Variants in C8orf89 observed in about 807,000 individuals in gnomAD.
C8orf89 encodes the protein chromosome 8 open reading frame 89, also known as putative uncharacterized protein C8orf89.
A neutral mutation model predicts 15.8 loss-of-function variants in C8orf89; 14 were observed. That is an observed-to-expected ratio of 0.89 (90% confidence interval 0.59 to 1.39). The LOEUF is 1.39. Among genes scored for constraint, C8orf89 ranks in the 40% most tolerant of loss-of-function variants. The probability of loss-of-function intolerance (pLI) is 0.00; values close to 1 mark genes in which losing one functional copy is unlikely to be tolerated. For missense variants in C8orf89, 181 were observed against 184.5 expected (o/e 0.98, Z 0.11); for synonymous variants, 55 against 62.2 (o/e 0.88, Z 0.54).
the C8orf89 span, among the ~76,000 whole-genome samples, chr8:73,280,696 C>CATATAT: frequency 6.6e-6 from 1 of 151,204 alleles, no homozygotes; most frequent in Non-Finnish European, 1.5e-5. Context: ...TATATATACA[C>CATATAT]ATACATATAC....
chr8:73,283,478 G>C, the C8orf89 span, among the ~76,000 whole-genome samples: 2,441 of 152,270 alleles, frequency 0.016, 55 homozygotes, highest in Non-Finnish European at 0.02. Context: ...TTCTGCCTCT[G>C]ACTCTCATAA....
At chr8:73,262,142 A>T (rs1813540954), upstream of C8orf89, among the ~76,000 whole-genome samples, 1 of 152,252 alleles carries the variant, frequency 6.6e-6, no homozygotes, top group Non-Finnish European at 1.5e-5. Context: ...TAAAGAACTC[A>T]GAATCACGAT....
the C8orf89 span, chr8:73,277,650 G>T: frequency 1.1e-5 from 8 of 758,100 alleles, no homozygotes; most frequent in Non-Finnish European, 1.7e-5. Context: ...CATCCAGGAA[G>T]GTTTCTCTTT....
the C8orf89 span, among the ~76,000 whole-genome samples, chr8:73,274,414 G>C: frequency 6.6e-6 from 1 of 152,136 alleles, no homozygotes; most frequent in South Asian, 2.1e-4. Context: ...GCCTCCCAAA[G>C]TGCTGGGATT....
the C8orf89 span, among the ~76,000 whole-genome samples, chr8:73,273,748 G>GTTT: frequency 1.4e-5 from 2 of 141,504 alleles, no homozygotes; most frequent in East Asian, 2.1e-4. Context: ...GGTGATGCCA[G>GTTT]TTTTTTTTTT....
intron 2 of C8orf89, among the ~76,000 whole-genome samples, chr8:73,255,875 C>T (rs1303334746): frequency 1.0e-4 from 15 of 150,368 alleles, no homozygotes; most frequent in Admixed American, 8.6e-4. Context: ...AACCAAACAC[C>T]GCATATTCTC....
At chr8:73,266,983 G>A in the C8orf89 span, among the ~76,000 whole-genome samples, 2 of 152,138 alleles carry the variant, frequency 1.3e-5, no homozygotes, top group African/African-American at 2.4e-5. Context: ...GGCAGTCACC[G>A]ATTTAATGAG....
upstream of C8orf89, among the ~76,000 whole-genome samples, chr8:73,263,876 C>A (rs1011150166): frequency 6.6e-6 from 1 of 152,122 alleles, no homozygotes; most frequent in East Asian, 1.9e-4. Flanking sequence ...AATACTGAAC[C>A]ATTGTTCCTA....
At chr8:73,253,169 T>C (rs1044243081) in intron 2 of C8orf89, among the ~76,000 whole-genome samples, 14 of 152,012 alleles carry the variant, frequency 9.2e-5, no homozygotes, top group Non-Finnish European at 1.6e-4. Context: ...AACTAGACAT[T>C]CAACAAATAT....
At chr8:73,284,588 G>C in the C8orf89 span, among the ~76,000 whole-genome samples, 109 of 152,036 alleles carry the variant, frequency 7.2e-4, no homozygotes, top group Non-Finnish European at 1.0e-3. Context: ...AAAAACAAAG[G>C]AAAAAAGAAG....
chr8:73,255,608 G>C (rs1483394149), intron 2 of C8orf89, among the ~76,000 whole-genome samples: 1 of 149,478 alleles, frequency 6.7e-6, no homozygotes, highest in Non-Finnish European at 1.5e-5. Flanking sequence ...CCCATTACTG[G>C]GTATATACCC....
At chr8:73,278,530 C>T in the C8orf89 span, among the ~76,000 whole-genome samples, 1 of 152,180 alleles carries the variant, frequency 6.6e-6, no homozygotes, top group Non-Finnish European at 1.5e-5. Flanking sequence ...TTTTAAGATA[C>T]TGTGTGTCTG....
intron 2 of C8orf89, among the ~76,000 whole-genome samples, chr8:73,251,032 C>A (rs1563531257): frequency 6.6e-6 from 1 of 152,012 alleles, no homozygotes; most frequent in Non-Finnish European, 1.5e-5. Context: ...AAAATGCTGG[C>A]CTCAAGCAAT....
chr8:73,262,500 T>C (rs139294270), upstream of C8orf89, among the ~76,000 whole-genome samples: 218 of 152,148 alleles, frequency 1.4e-3, 1 homozygote, highest in Middle Eastern at 6.8e-3. Flanking sequence ...TTTGAAATTT[T>C]CCAAAATAAA....
chr8:73,246,410 G>A (rs1296029457), intron 3 of C8orf89, among the ~76,000 whole-genome samples: 1 of 152,082 alleles, frequency 6.6e-6, no homozygotes, highest in Non-Finnish European at 1.5e-5. Context: ...ACAGAGTCTC[G>A]CTCTGTCGCC....
intron 2 of C8orf89, among the ~76,000 whole-genome samples, chr8:73,253,716 T>C (rs1323035218): frequency 6.6e-6 from 1 of 150,434 alleles, no homozygotes; most frequent in Admixed American, 6.6e-5. Flanking sequence ...TGGGAGTTCA[T>C]TCATGATTTG....
chr8:73,252,282 G>GTAAA (rs1455480593), intron 2 of C8orf89, among the ~76,000 whole-genome samples: 1 of 152,194 alleles, frequency 6.6e-6, no homozygotes, highest in African/African-American at 2.4e-5. Flanking sequence ...AAGTGATGAA[G>GTAAA]TAAACTGTGG....
At chr8:73,285,485 G>A in the C8orf89 span, among the ~76,000 whole-genome samples, 1 of 152,154 alleles carries the variant, frequency 6.6e-6, no homozygotes, top group South Asian at 2.1e-4. Flanking sequence ...TGTCCCCTTC[G>A]TGGGAGGGAG....
upstream of C8orf89, among the ~76,000 whole-genome samples, chr8:73,263,285 G>C (rs1342347664): frequency 1.3e-5 from 2 of 152,154 alleles, no homozygotes; most frequent in Non-Finnish European, 2.9e-5. Context: ...GGCTGAGGTG[G>C]GTGGATCAGT....
Sources: gnomAD v4.1 joint callset for allele counts (sites outside exome capture counted in the v4.1 genomes callset) on GRCh38, gnomAD v4.1.1 for gene constraint, MANE v1.5 for transcripts, NCBI Gene and HGNC (gene_info 2026-07-23, HGNC 2026-07-21) for gene names.